The following SH3RF3 variants were observed in gnomAD, a reference collection of about 807,000 sequenced individuals.
SH3RF3 encodes the protein SH3 domain containing ring finger 3, also known as E3 ubiquitin-protein ligase SH3RF3.
SH3RF3 carries 29 observed loss-of-function variants against 66.3 expected under a neutral mutation model. That is an observed-to-expected ratio of 0.44 (90% CI 0.33 to 0.60). The LOEUF (loss-of-function observed/expected upper bound fraction) is 0.60, where lower values mean the gene tolerates loss of function less well. Ranked by LOEUF, SH3RF3 falls within the 20% of genes least tolerant of loss-of-function variation. SH3RF3 has a pLI of 0.04. For missense variants in SH3RF3, 1,194 were observed against 1,190.9 expected (o/e 1.00, Z -0.04); for synonymous variants, 583 against 532.0 (o/e 1.10, Z -1.32).
chr2:109,442,499 T>C (rs72947117), intron 7 of SH3RF3, among the ~76,000 whole-genome samples: 1,717 of 152,244 alleles, frequency 0.011, 36 homozygotes, highest in African/African-American at 0.038. Context: ...AAAATATAAT[T>C]GACTGTTTAA....
intron 1 of SH3RF3, among the ~76,000 whole-genome samples, chr2:109,322,607 G>C (rs1179686304): frequency 2.6e-5 from 4 of 152,228 alleles, no homozygotes; most frequent in African/African-American, 9.6e-5. Context: ...GAATAAATCT[G>C]CAGTAGTCGC....
intron 1 of SH3RF3, among the ~76,000 whole-genome samples, chr2:109,242,815 CTCTGTG>C (rs1679819015): frequency 2.0e-5 from 3 of 152,172 alleles, no homozygotes; most frequent in Admixed American, 6.5e-5. Flanking sequence ...GGGACCCTCA[CTCTGTG>C]GCCCAAATAG....
intron 1 of SH3RF3, among the ~76,000 whole-genome samples, chr2:109,328,964 G>T (rs911012294): frequency 1.1e-4 from 17 of 152,192 alleles, no homozygotes; most frequent in Non-Finnish European, 2.2e-4. Context: ...GCTTGGCCAC[G>T]TCCTTCCTCC....
rs991385095 is a variant in SH3RF3, at chr2:109,437,102, C to T, written c.1784C>T (p.Ser595Leu). The change falls in exon 7 of 10, where the codon TCA (serine) becomes TTA (leucine). Residue 595 changes from serine to leucine, a missense_variant. By Grantham distance (145) the Ser-to-Leu change is moderately radical (BLOSUM62 -2). Coordinates refer to ENST00000309415, the MANE Select transcript of SH3RF3 (RefSeq NM_001099289.3). The part of the protein sequence containing the change: ...SPPTGSCLRH[S>L]AQPTASQARS... ...CCAACAGGCAGCTGTCTACGGCACT[C>T]AGCCCAGCCAACGGCCAGCCAAGCC... 1 of 1,613,040 alleles carries T rather than the reference C, an allele frequency of 6.2e-7. No individual in the cohort carries two copies. The highest frequency in any genetic ancestry group is 1.3e-5 in the African/African-American group (1 of 74,926).
intron 1 of SH3RF3, among the ~76,000 whole-genome samples, chr2:109,226,315 A>G (rs970478808): frequency 1.3e-5 from 2 of 152,188 alleles, no homozygotes; most frequent in African/African-American, 2.4e-5. Context: ...CATTTTGAAC[A>G]TGACCCTGCC....
intron 1 of SH3RF3, among the ~76,000 whole-genome samples, chr2:109,130,734 GC>G (rs1243554314): frequency 6.6e-6 from 1 of 152,172 alleles, no homozygotes; most frequent in East Asian, 1.9e-4. Context: ...GGGCTCCCAG[GC>G]AGGGTTGCAT....
At chr2:109,313,795 C>T (rs1189093717) in intron 1 of SH3RF3, among the ~76,000 whole-genome samples, 6 of 152,202 alleles carry the variant, frequency 3.9e-5, no homozygotes, top group Non-Finnish European at 7.3e-5. Flanking sequence ...GCTGTGGCAG[C>T]ATGAGTGAAA....
intron 1 of SH3RF3, among the ~76,000 whole-genome samples, chr2:109,184,883 C>T (rs1037529714): frequency 6.6e-6 from 1 of 152,178 alleles, no homozygotes; most frequent in Non-Finnish European, 1.5e-5. Context: ...GCTGGTCCCT[C>T]AGCGAAAAAG....
chr2:109,328,963 C>T (rs986944580), intron 1 of SH3RF3, among the ~76,000 whole-genome samples: 12 of 152,192 alleles, frequency 7.9e-5, no homozygotes, highest in South Asian at 2.1e-4. Context: ...AGCTTGGCCA[C>T]GTCCTTCCTC....
In SH3RF3 at chr2:109,129,214, G is replaced by A. The variant is rs1676613325; in HGVS notation, c.-327G>A. On this transcript the variant is annotated 5_prime_UTR_variant, in exon 1 of 10. Coordinates refer to ENST00000309415, the MANE Select transcript of SH3RF3 (RefSeq NM_001099289.3). ...AGCCGCCGCTTGCAGCACAGAACCC[G>A]TTGAGCTTCGTGCCCGGCAGCACCC... 1.9e-6 allele frequency: 1 copy of A among 527,420 alleles called. No homozygotes were observed. Among genetic ancestry groups the A allele is most frequent in the Non-Finnish European group, 3.5e-6 (1 of 285,770 alleles). 32.7% of individuals were successfully genotyped at this position (527,420 alleles called of 1,614,324 possible).
intron 1 of SH3RF3, among the ~76,000 whole-genome samples, chr2:109,173,751 T>C (rs1376011772): frequency 6.6e-6 from 1 of 152,100 alleles, no homozygotes; most frequent in Non-Finnish European, 1.5e-5. Context: ...CCAGGGACTG[T>C]GGTAGCCTGC....
rs76101108 is a variant in SH3RF3 at position 109,258,349 on chromosome 2, C to T, written c.574-89325C>T. Among the ~76,000 whole-genome samples, 8 of 152,282 alleles carry T rather than the reference C, an allele frequency of 5.3e-5. No homozygotes were observed. In the East Asian group the frequency reaches 1.5e-3, roughly 29 times the overall value. On this transcript the variant is annotated intron_variant, in intron 1 of 9. Coordinates refer to ENST00000309415, the MANE Select transcript of SH3RF3 (RefSeq NM_001099289.3). ...CCCCATTCTAAAGAGCGAGAAACTGCAGAGTTGAGAGGACCACAAACCCTA... is the reference window on the plus strand; with the variant it reads ...CCCCATTCTAAAGAGCGAGAAACTGTAGAGTTGAGAGGACCACAAACCCTA...
At chr2:109,490,146 C>T (rs564612530) in intron 8 of SH3RF3, among the ~76,000 whole-genome samples, 1 of 152,212 alleles carries the variant, frequency 6.6e-6, no homozygotes, top group Non-Finnish European at 1.5e-5. Context: ...CACCCTTCTA[C>T]CCATCTTACA....
At chr2:109,185,981 C>T (rs1407493517) in intron 1 of SH3RF3, among the ~76,000 whole-genome samples, 1 of 152,206 alleles carries the variant, frequency 6.6e-6, no homozygotes, top group Non-Finnish European at 1.5e-5. Context: ...CCTTGGCTGT[C>T]ACGAGCACAT....
chr2:109,411,621 T>G (rs908793216), intron 4 of SH3RF3, among the ~76,000 whole-genome samples: 1 of 152,180 alleles, frequency 6.6e-6, no homozygotes, highest in Non-Finnish European at 1.5e-5. Flanking sequence ...TTAGTTTTCA[T>G]ATCCCTGAGG....
intron 9 of SH3RF3, among the ~76,000 whole-genome samples, chr2:109,495,183 G>T (rs1171536910): frequency 1.3e-5 from 2 of 152,238 alleles, no homozygotes; most frequent in Non-Finnish European, 2.9e-5. Context: ...TGAATTTCCA[G>T]AAGTTGCTTG....
chr2:109,168,362 C>T (rs1442107351), intron 1 of SH3RF3, among the ~76,000 whole-genome samples: 1 of 152,144 alleles, frequency 6.6e-6, no homozygotes, highest in Non-Finnish European at 1.5e-5. Flanking sequence ...CAGAACCCAG[C>T]TATCAGGAGT....
chr2:109,321,543 A>G (rs141240655), intron 1 of SH3RF3, among the ~76,000 whole-genome samples: 5 of 152,368 alleles, frequency 3.3e-5, no homozygotes, highest in Non-Finnish European at 7.3e-5. Context: ...ATAGAAATTT[A>G]ACAAACATTC....
intron 3 of SH3RF3, among the ~76,000 whole-genome samples, chr2:109,385,369 C>T (rs564061016): frequency 1.3e-5 from 2 of 152,370 alleles, no homozygotes; most frequent in East Asian, 3.9e-4. Flanking sequence ...CCTGAGTCAC[C>T]TCCCATGTCA....
Sources: allele counts gnomAD v4.1 joint callset (sites outside exome capture counted in the v4.1 genomes callset), GRCh38; gene constraint gnomAD v4.1.1; transcripts MANE v1.5; gene names NCBI Gene and HGNC (gene_info 2026-07-23, HGNC 2026-07-21).